CADM2: variants seen among roughly 807,000 people sequenced by gnomAD.
CADM2 encodes cell adhesion molecule 2.
Under a neutral mutation model 49.8 loss-of-function variants are expected in CADM2, and 12 were observed. The ratio of observed to expected loss-of-function variants is 0.24; its 90% CI spans 0.15 to 0.39. The LOEUF (loss-of-function observed/expected upper bound fraction) is 0.39, where lower values mean the gene tolerates loss of function less well. Among genes scored for constraint, CADM2 ranks in the 10% least tolerant of loss-of-function variants. CADM2 has a pLI of 1.00. For missense variants in CADM2, 378 were observed against 492.3 expected, an observed-to-expected ratio of 0.77 and a Z score of 2.20; for synonymous variants, 214 against 175.4, an observed-to-expected ratio of 1.22 and a Z score of -1.74.
chr3:85,598,463 T>A (rs549745353), intron 1 of CADM2, among the ~76,000 whole-genome samples: 1 of 152,136 alleles, frequency 6.6e-6, no homozygotes, highest in African/African-American at 2.4e-5. Flanking sequence ...AAATTAATAG[T>A]GTCATCCACT....
At chr3:86,061,528 G>T (rs941197678) in intron 8 of CADM2, among the ~76,000 whole-genome samples, 1 of 152,068 alleles carries the variant, frequency 6.6e-6, no homozygotes, top group African/African-American at 2.4e-5. Flanking sequence ...ATTTTAGAAG[G>T]ATTAAGATAT....
At chr3:85,794,360 C>A (rs983065214) in intron 2 of CADM2, among the ~76,000 whole-genome samples, 1 of 152,082 alleles carries the variant, frequency 6.6e-6, no homozygotes, top group Non-Finnish European at 1.5e-5. Context: ...ATGATGAACA[C>A]CTTTTGAGAG....
chr3:85,581,011 C>T (rs1160724171), intron 1 of CADM2, among the ~76,000 whole-genome samples: 1 of 151,798 alleles, frequency 6.6e-6, no homozygotes, highest in East Asian at 1.9e-4. Context: ...TCTAGTATGA[C>T]GTTTGGTTTT....
At chr3:85,991,809 C>T (rs928388653) in intron 8 of CADM2, among the ~76,000 whole-genome samples, 3 of 152,104 alleles carry the variant, frequency 2.0e-5, no homozygotes, top group African/African-American at 2.4e-5. Flanking sequence ...ATACCATTTT[C>T]GTGTTAAAAT....
At chr3:85,507,497 C>T (rs552602282) in intron 1 of CADM2, among the ~76,000 whole-genome samples, 21 of 152,026 alleles carry the variant, frequency 1.4e-4, no homozygotes, top group Admixed American at 2.6e-4. Context: ...CCTTTTTAAA[C>T]GACAACAAAA....
intron 1 of CADM2, among the ~76,000 whole-genome samples, chr3:85,671,664 A>C (rs1328581177): frequency 6.6e-6 from 1 of 152,092 alleles, no homozygotes; most frequent in Non-Finnish European, 1.5e-5. Flanking sequence ...TCTTAAAGAC[A>C]TGAAGCGACC....
intron 3 of CADM2, among the ~76,000 whole-genome samples, chr3:85,864,937 C>A (rs530608671): frequency 1.3e-5 from 2 of 152,248 alleles, no homozygotes; most frequent in South Asian, 4.1e-4. Flanking sequence ...TTCACTCTTC[C>A]AGTCTTGAGG....
At chr3:85,615,281 A>C (rs985386553) in intron 1 of CADM2, among the ~76,000 whole-genome samples, 1 of 152,116 alleles carries the variant, frequency 6.6e-6, no homozygotes, top group Non-Finnish European at 1.5e-5. Flanking sequence ...AAGGAAACAC[A>C]TAGTTCTCAG....
chr3:85,766,583 C>T (rs7615807), intron 2 of CADM2, among the ~76,000 whole-genome samples: 7,750 of 152,252 alleles, frequency 0.051, 561 homozygotes, highest in African/African-American at 0.16. Flanking sequence ...CTCCTGTACA[C>T]ATTTTAGTTT....
intron 1 of CADM2, among the ~76,000 whole-genome samples, chr3:85,458,083 A>T (rs1267226013): frequency 6.6e-6 from 1 of 152,168 alleles, no homozygotes; most frequent in African/African-American, 2.4e-5. Flanking sequence ...TTTGTTTATG[A>T]TCTTCCTTTC....
At chr3:85,100,303 G>T (rs938206982) in intron 1 of CADM2, among the ~76,000 whole-genome samples, 7 of 152,192 alleles carry the variant, frequency 4.6e-5, no homozygotes, top group African/African-American at 1.2e-4. Context: ...ACCATCGGTT[G>T]TGGGTTGCCA....
chr3:85,921,098 T>C (rs1277575495), intron 6 of CADM2, among the ~76,000 whole-genome samples: 2 of 151,906 alleles, frequency 1.3e-5, no homozygotes, highest in Admixed American at 1.3e-4. Flanking sequence ...AAAAACTGGA[T>C]AAAAATGAGA....
intron 5 of CADM2, among the ~76,000 whole-genome samples, chr3:85,896,684 A>G (rs962331014): frequency 6.6e-6 from 1 of 152,192 alleles, no homozygotes; most frequent in African/African-American, 2.4e-5. Context: ...TCGAATTGAC[A>G]TTAGCTATGT....
chr3:85,942,662 A>T (rs1245627778), intron 7 of CADM2, among the ~76,000 whole-genome samples: 2 of 151,600 alleles, frequency 1.3e-5, no homozygotes, highest in African/African-American at 4.8e-5. Context: ...AAGGACATGA[A>T]CTCATCATTT....
At chr3:85,577,393 T>G (rs2062663547) in intron 1 of CADM2, among the ~76,000 whole-genome samples, 1 of 152,140 alleles carries the variant, frequency 6.6e-6, no homozygotes, top group Non-Finnish European at 1.5e-5. Flanking sequence ...AGGCTTATTA[T>G]AAAAGCAAGT....
At chr3:85,573,981 G>A (rs569546708) in intron 1 of CADM2, among the ~76,000 whole-genome samples, 9 of 152,202 alleles carry the variant, frequency 5.9e-5, no homozygotes, top group African/African-American at 1.4e-4. Context: ...AGCTGTCCAC[G>A]ATACTGACTG....
intron 1 of CADM2, among the ~76,000 whole-genome samples, chr3:85,364,088 C>G (rs2032563312): frequency 6.6e-6 from 1 of 152,068 alleles, no homozygotes; most frequent in African/African-American, 2.4e-5. Flanking sequence ...AAATGGACAT[C>G]AAAAGAGAGA....
intron 1 of CADM2, among the ~76,000 whole-genome samples, chr3:85,201,663 C>T (rs1050362198): frequency 2.6e-5 from 4 of 152,156 alleles, no homozygotes; most frequent in African/African-American, 9.7e-5. Context: ...CTAACCCTAC[C>T]ACTGCTTTGA....
At chr3:85,408,386 T>A (rs1370280552) in intron 1 of CADM2, among the ~76,000 whole-genome samples, 2 of 152,214 alleles carry the variant, frequency 1.3e-5, no homozygotes, top group African/African-American at 4.8e-5. Context: ...CGATGACTAG[T>A]CTAATTCTGG....
Sources: gnomAD v4.1 joint callset for allele counts (sites outside exome capture counted in the v4.1 genomes callset) on GRCh38, gnomAD v4.1.1 for gene constraint, MANE v1.5 for transcripts, NCBI Gene and HGNC (gene_info 2026-07-23, HGNC 2026-07-21) for gene names.